DYNC1I1: variants seen among roughly 807,000 people sequenced by gnomAD.
DYNC1I1 encodes dynein cytoplasmic 1 intermediate chain 1.
In DYNC1I1, 43 loss-of-function variants were observed where a neutral mutation model predicts 86.6. That is an observed-to-expected ratio of 0.50 (90% CI 0.39 to 0.64). DYNC1I1 has a LOEUF of 0.64. DYNC1I1 is among the 30% of genes least tolerant of loss of function. DYNC1I1 has a pLI of 0.00. For synonymous variants in DYNC1I1, 262 were observed against 283.7 expected, an observed-to-expected ratio of 0.92 and a Z score of 0.77; for missense variants, 604 against 788.8, an observed-to-expected ratio of 0.77 and a Z score of 2.81.
At chr7:95,810,652 T>C (rs1433476250) in intron 3 of DYNC1I1, 146 bp downstream of exon 3, 4 of 688,368 alleles carry the variant, frequency 5.8e-6, no homozygotes, top group Non-Finnish European at 8.9e-6. Context: ...TCAGGTTGCA[T>C]GTGTTTTTGG....
intron 6 of DYNC1I1, among the ~76,000 whole-genome samples, chr7:95,891,240 C>T (rs374389440): frequency 4.6e-5 from 7 of 152,266 alleles, no homozygotes; most frequent in East Asian, 1.9e-4. Flanking sequence ...CCCAAGACTA[C>T]GAAGAAATAT....
At chr7:95,785,715 G>GTA (rs1794113460) in intron 1 of DYNC1I1, among the ~76,000 whole-genome samples, 1 of 140,724 alleles carries the variant, frequency 7.1e-6, no homozygotes, top group African/African-American at 2.6e-5. Context: ...ATACACTGTT[G>GTA]TATATATATG....
intron 10 of DYNC1I1, among the ~76,000 whole-genome samples, chr7:95,997,787 CA>C (rs1793907582): frequency 6.6e-6 from 1 of 151,772 alleles, no homozygotes; most frequent in Non-Finnish European, 1.5e-5. Context: ...CCAGAGTTAC[CA>C]AAAGATGCTG....
chr7:95,951,998 A>T (rs1167347582), intron 6 of DYNC1I1, among the ~76,000 whole-genome samples: 3 of 152,178 alleles, frequency 2.0e-5, no homozygotes, highest in Non-Finnish European at 4.4e-5. Flanking sequence ...ATCTTCACAA[A>T]CAGAGAAGGA....
At chr7:95,807,638 C>T (rs1051535565) in intron 2 of DYNC1I1, among the ~76,000 whole-genome samples, 1 of 152,118 alleles carries the variant, frequency 6.6e-6, no homozygotes, top group Non-Finnish European at 1.5e-5. Context: ...CACTGATCTC[C>T]TACTTCTTCC....
chr7:95,988,234 G>A (rs909822935), intron 9 of DYNC1I1, among the ~76,000 whole-genome samples: 4 of 152,118 alleles, frequency 2.6e-5, no homozygotes, highest in Admixed American at 6.6e-5. Flanking sequence ...AAAAGTAGCC[G>A]AGTGTGGTGG....
chr7:95,904,382 A>G (rs1241966325), intron 6 of DYNC1I1, among the ~76,000 whole-genome samples: 1 of 152,086 alleles, frequency 6.6e-6, no homozygotes, highest in Admixed American at 6.6e-5. Flanking sequence ...GCCATAAGTG[A>G]TATGCTTTGC....
rs147428176 is a variant in DYNC1I1, at chr7:95,920,808, C to T, written c.490+50810C>T. 3.2e-4 allele frequency among the ~76,000 whole-genome samples: 49 copies of T among 152,264 alleles called. No individual in the cohort carries two copies. The East Asian group carries it at 3.5e-3, about 11-fold the overall frequency. On this transcript the variant is annotated intron_variant, in intron 6 of 16. Coordinates refer to ENST00000447467, the MANE Select transcript of DYNC1I1 (RefSeq NM_001135556.2). ...TTATTGTCATAGGTGCCATTTGCAG[C>T]GCTCTGAATACCATGGTTGCCTTTG...
chr7:95,832,221 C>T (rs1227508), intron 5 of DYNC1I1, among the ~76,000 whole-genome samples: 54,619 of 101,576 alleles, frequency 0.54, 14,948 homozygotes, highest in African/African-American at 0.67. Flanking sequence ...ATGTGGTGTT[C>T]GGTTTTTTGT....
chr7:96,064,326 T>G (rs1350218630), intron 14 of DYNC1I1, among the ~76,000 whole-genome samples: 4 of 152,074 alleles, frequency 2.6e-5, no homozygotes, highest in Non-Finnish European at 5.9e-5. Context: ...GATAAGTTTA[T>G]TTGTTTTTAA....
chr7:95,892,321 TC>T (rs1562935583), intron 6 of DYNC1I1, among the ~76,000 whole-genome samples: 1 of 151,548 alleles, frequency 6.6e-6, no homozygotes, highest in African/African-American at 2.4e-5. Context: ...TAATTTTTCT[TC>T]CCCCCGAGAC....
At chr7:96,106,489 C>A (rs1791215492) in intron 16 of DYNC1I1, among the ~76,000 whole-genome samples, 1 of 151,820 alleles carries the variant, frequency 6.6e-6, no homozygotes, top group Non-Finnish European at 1.5e-5. Flanking sequence ...GAGCCAAGAT[C>A]GCGCCATTGC....
chr7:96,099,097 A>G (rs561967497), downstream of DYNC1I1, among the ~76,000 whole-genome samples: 3 of 152,258 alleles, frequency 2.0e-5, no homozygotes, highest in Admixed American at 6.5e-5. Flanking sequence ...AATGAAAAGT[A>G]CTGGGAAAAA....
chr7:96,023,420 C>A (rs1291046643), intron 10 of DYNC1I1, among the ~76,000 whole-genome samples: 1 of 152,160 alleles, frequency 6.6e-6, no homozygotes, highest in Non-Finnish European at 1.5e-5. Flanking sequence ...GGCTTCCCAG[C>A]CAGGAATGAC....
chr7:96,024,158 A>G (rs1331922074), intron 10 of DYNC1I1, among the ~76,000 whole-genome samples: 6 of 152,210 alleles, frequency 3.9e-5, no homozygotes, highest in Non-Finnish European at 7.3e-5. Context: ...ATAGAGTTCA[A>G]CCGTAGCCTC....
chr7:96,095,520 A>G (rs1227409529), intron 16 of DYNC1I1, among the ~76,000 whole-genome samples: 2 of 151,980 alleles, frequency 1.3e-5, no homozygotes, highest in African/African-American at 2.4e-5. Flanking sequence ...ATTGAGACCT[A>G]TTTTTTTCTC....
chr7:95,804,679 T>G, intron 1 of DYNC1I1, 42 bp from the exon 2 acceptor site: 1 of 1,502,416 alleles, frequency 6.7e-7, no homozygotes. Flanking sequence ...TACAGAAAAG[T>G]TATTTATATA....
At chr7:95,835,414 G>A (rs1789050638) in intron 5 of DYNC1I1, among the ~76,000 whole-genome samples, 1 of 149,776 alleles carries the variant, frequency 6.7e-6, no homozygotes, top group African/African-American at 2.5e-5. Flanking sequence ...TTTTGGAATA[G>A]GTGTGGTGTG....
intron 6 of DYNC1I1, among the ~76,000 whole-genome samples, chr7:95,877,955 A>G (rs1584118838): frequency 2.0e-5 from 3 of 152,236 alleles, no homozygotes; most frequent in South Asian, 2.1e-4. Context: ...AACTATGCAC[A>G]TGCCCAAGGC....
Sources: gnomAD v4.1 joint callset for allele counts (sites outside exome capture counted in the v4.1 genomes callset) on GRCh38, gnomAD v4.1.1 for gene constraint, MANE v1.5 for transcripts, NCBI Gene and HGNC (gene_info 2026-07-23, HGNC 2026-07-21) for gene names.